C17orf67: variants seen among roughly 807,000 people sequenced by gnomAD.
C17orf67 encodes the protein chromosome 17 open reading frame 67, also known as uncharacterized protein C17orf67.
C17orf67 carries 12 observed loss-of-function variants against 11.2 expected under a neutral mutation model. The observed-to-expected ratio is 1.07, with a 90% confidence interval of 0.68 to 1.73. The LOEUF is 1.73. Ranked by LOEUF, C17orf67 falls within the 40% of genes most tolerant of loss-of-function variation. The pLI is 0.00. For missense variants in C17orf67, 115 were observed against 113.5 expected, an observed-to-expected ratio of 1.01 and a Z score of -0.06; for synonymous variants, 59 against 46.9, an observed-to-expected ratio of 1.26 and a Z score of -1.05.
intron 6 of C17orf67, among the ~76,000 whole-genome samples, chr17:56,800,228 G>T (rs1435181411): frequency 2.0e-5 from 3 of 152,014 alleles, no homozygotes; most frequent in African/African-American, 7.2e-5. Context: ...ATCACACCCG[G>T]CTAATTTTTT....
intron 4 of C17orf67, among the ~76,000 whole-genome samples, chr17:56,823,912 T>C (rs1032391368): frequency 6.6e-6 from 1 of 152,124 alleles, no homozygotes; most frequent in Non-Finnish European, 1.5e-5. Context: ...CATGAAAAGA[T>C]ATGGAGAAAA....
At chr17:56,818,089 C>T (rs1193281566) in intron 4 of C17orf67, among the ~76,000 whole-genome samples, 1 of 151,800 alleles carries the variant, frequency 6.6e-6, no homozygotes, top group African/African-American at 2.4e-5. Context: ...AGCAATTCTC[C>T]TACCTTGGCC....
At chr17:56,831,242 T>C (rs1567802795) in intron 2 of C17orf67, among the ~76,000 whole-genome samples, 1 of 152,016 alleles carries the variant, frequency 6.6e-6, no homozygotes, top group African/African-American at 2.4e-5. Flanking sequence ...GTCCAGGACC[T>C]GTGCTGCTGC....
At chr17:56,818,267 ATTTTG>A (rs1256800094) in intron 4 of C17orf67, among the ~76,000 whole-genome samples, 7 of 152,324 alleles carry the variant, frequency 4.6e-5, no homozygotes, top group East Asian at 1.9e-4. Context: ...ATAGAACACT[ATTTTG>A]TTTTATCATA....
At chr17:56,827,237 A>T (rs74642342) in intron 2 of C17orf67, among the ~76,000 whole-genome samples, 8,377 of 152,300 alleles carry the variant, frequency 0.055, 282 homozygotes, top group Admixed American at 0.1. Context: ...AATCATTCCT[A>T]CCAGAATTTT....
chr17:56,799,795 G>C (rs1269928560), intron 6 of C17orf67, among the ~76,000 whole-genome samples: 1 of 152,096 alleles, frequency 6.6e-6, no homozygotes, highest in Non-Finnish European at 1.5e-5. Context: ...GCATCTCGTT[G>C]TTTTAAGTTG....
chr17:56,811,423 C>T (rs1199499663), intron 6 of C17orf67, among the ~76,000 whole-genome samples: 3 of 152,146 alleles, frequency 2.0e-5, no homozygotes, highest in Non-Finnish European at 2.9e-5. Flanking sequence ...GCTGGGTGGG[C>T]ACCTCCTCTG....
chr17:56,817,009 T>G (rs1197271991), intron 4 of C17orf67, among the ~76,000 whole-genome samples: 1 of 151,920 alleles, frequency 6.6e-6, no homozygotes, highest in Non-Finnish European at 1.5e-5. Flanking sequence ...ACCACAACAC[T>G]CAATTAACTT....
At chr17:56,813,564 CA>C (rs112601927) in intron 6 of C17orf67, among the ~76,000 whole-genome samples, 121 of 141,222 alleles carry the variant, frequency 8.6e-4, no homozygotes, top group Middle Eastern at 3.6e-3. Flanking sequence ...TCTTATTCTA[CA>C]AAAAAAAAAA....
chr17:56,829,390 G>A (rs1272232922), intron 2 of C17orf67, among the ~76,000 whole-genome samples: 1 of 152,196 alleles, frequency 6.6e-6, no homozygotes, highest in Admixed American at 6.5e-5. Flanking sequence ...CAACAAGAAG[G>A]GCTGGCAGAG....
chr17:56,812,882 A>G (rs1201334847), intron 6 of C17orf67, among the ~76,000 whole-genome samples: 1 of 152,210 alleles, frequency 6.6e-6, no homozygotes, highest in African/African-American at 2.4e-5. Context: ...TTTTAGGGCC[A>G]GAGTCTAGCC....
At chr17:56,828,874 T>A (rs952719348) in intron 2 of C17orf67, among the ~76,000 whole-genome samples, 7 of 145,846 alleles carry the variant, frequency 4.8e-5, no homozygotes, top group Non-Finnish European at 1.0e-4. Flanking sequence ...AAAAAAACAC[T>A]GCAGAGATTG....
chr17:56,803,259 G>A (rs1181997230), intron 6 of C17orf67, among the ~76,000 whole-genome samples: 2 of 152,184 alleles, frequency 1.3e-5, no homozygotes, highest in Non-Finnish European at 2.9e-5. Flanking sequence ...TGAATGAAGT[G>A]AGCCTGTCAC....
At chr17:56,826,041 A>G (rs549695852) in intron 2 of C17orf67, among the ~76,000 whole-genome samples, 1 of 151,832 alleles carries the variant, frequency 6.6e-6, no homozygotes, top group Non-Finnish European at 1.5e-5. Flanking sequence ...TGCAACCTCC[A>G]CCTCCTGAAC....
At chr17:56,802,472 C>T (rs959655280) in intron 6 of C17orf67, among the ~76,000 whole-genome samples, 1 of 152,230 alleles carries the variant, frequency 6.6e-6, no homozygotes, top group Non-Finnish European at 1.5e-5. Flanking sequence ...CTCCGGGAAC[C>T]GTCTGCCTCC....
intron 6 of C17orf67, among the ~76,000 whole-genome samples, chr17:56,799,711 G>A (rs1905275726): frequency 6.6e-6 from 1 of 152,146 alleles, no homozygotes; most frequent in Non-Finnish European, 1.5e-5. Flanking sequence ...TGAGAGTTCT[G>A]TTGCTTCACA....
At chr17:56,798,460 A>C (rs986709070) in intron 6 of C17orf67, among the ~76,000 whole-genome samples, 1 of 152,030 alleles carries the variant, frequency 6.6e-6, no homozygotes, top group Admixed American at 6.6e-5. Flanking sequence ...TATTTTTTAC[A>C]GTTGATGCAC....
chr17:56,798,134 C>T (rs73323062), intron 6 of C17orf67, among the ~76,000 whole-genome samples: 3,873 of 152,196 alleles, frequency 0.025, 165 homozygotes, highest in African/African-American at 0.089. Context: ...GCCCTCCCAC[C>T]ATCTAAGCAG....
At chr17:56,807,907 A>T (rs985377841) in intron 6 of C17orf67, among the ~76,000 whole-genome samples, 155 of 22,896 alleles carry the variant, frequency 6.8e-3, no homozygotes, top group Admixed American at 0.012. Flanking sequence ...AATAAATAAT[A>T]AATAAATAAA....
Sources: allele counts gnomAD v4.1 joint callset (sites outside exome capture counted in the v4.1 genomes callset), GRCh38; gene constraint gnomAD v4.1.1; transcripts MANE v1.5; gene names NCBI Gene and HGNC (gene_info 2026-07-23, HGNC 2026-07-21).